PRKG1: variants seen among roughly 807,000 people sequenced by gnomAD.
PRKG1 encodes the protein protein kinase cGMP-dependent 1, also known as cGMP-dependent protein kinase 1.
Under a neutral mutation model 88.1 loss-of-function variants are expected in PRKG1, and 35 were observed. The ratio of observed to expected loss-of-function variants is 0.40; its 90% confidence interval spans 0.30 to 0.53. PRKG1 has a LOEUF of 0.53. PRKG1 is among the 20% of genes least tolerant of loss of function. The pLI is 0.59. For missense variants in PRKG1, 540 were observed against 839.8 expected, an observed-to-expected ratio of 0.64 and a Z score of 4.41; for synonymous variants, 303 against 292.5, an observed-to-expected ratio of 1.04 and a Z score of -0.37.
At chr10:52,217,317 T>A (rs1022631457) in intron 9 of PRKG1, among the ~76,000 whole-genome samples, 1 of 148,472 alleles carries the variant, frequency 6.7e-6, no homozygotes, top group Non-Finnish European at 1.5e-5. Flanking sequence ...AATATACATA[T>A]ACACACACAC....
intron 2 of PRKG1, among the ~76,000 whole-genome samples, chr10:51,305,983 A>G (rs2132249146): frequency 6.6e-6 from 1 of 152,320 alleles, no homozygotes; most frequent in Non-Finnish European, 1.5e-5. Context: ...TCCTGAGTAG[A>G]TGCAATAGAC....
chr10:52,050,433 G>A (rs1416868754), intron 5 of PRKG1, among the ~76,000 whole-genome samples: 1 of 152,134 alleles, frequency 6.6e-6, no homozygotes, highest in South Asian at 2.1e-4. Context: ...AAATGGTAGA[G>A]CTGTAAAATA....
chr10:51,930,492 C>CT (rs1491352197), intron 5 of PRKG1, among the ~76,000 whole-genome samples: 4,789 of 99,366 alleles, frequency 0.048, 147 homozygotes, highest in Non-Finnish European at 0.059. Context: ...CTTTTTTTTT[C>CT]CTCTTTTTTT....
At chr10:51,176,171 T>C (rs1837186247) in intron 2 of PRKG1, among the ~76,000 whole-genome samples, 1 of 152,156 alleles carries the variant, frequency 6.6e-6, no homozygotes, top group Admixed American at 6.6e-5. Context: ...GTTAGGTTAT[T>C]TTTATTACAT....
chr10:52,176,150 G>A (rs1002214122), intron 9 of PRKG1, among the ~76,000 whole-genome samples: 10 of 144,938 alleles, frequency 6.9e-5, no homozygotes, highest in Admixed American at 1.4e-4. Context: ...ATCTTTGATC[G>A]ATTTTGAGTT....
Position 52,282,136 on chromosome 10 carries a change from T to C in PRKG1, c.1546-17T>C, listed in dbSNP as rs1842016000. ...ATCATAAGGAGCTTAAGTATCTTGT[T>C]TTTCTCTCTTTGTAAGGTTGATTTT... is the stretch of plus-strand genomic sequence containing the variant. On this transcript the variant is annotated splice_polypyrimidine_tract_variant and intron_variant, in intron 13 of 17. Transcript: ENST00000373980. 2 of 1,570,736 alleles carry C rather than the reference T, an allele frequency of 1.3e-6. No homozygotes were observed. Among genetic ancestry groups the C allele is most frequent in the Non-Finnish European group, 1.7e-6 (2 of 1,158,108 alleles).
At chr10:51,571,521 C>G (rs1444766896) in intron 3 of PRKG1, among the ~76,000 whole-genome samples, 1 of 151,774 alleles carries the variant, frequency 6.6e-6, no homozygotes, top group African/African-American at 2.4e-5. Flanking sequence ...GAGAGAAAGA[C>G]TGAAGAAATG....
chr10:51,030,167 T>G (rs1395895471), intron 1 of PRKG1, among the ~76,000 whole-genome samples: 1 of 152,074 alleles, frequency 6.6e-6, no homozygotes, highest in African/African-American at 2.4e-5. Flanking sequence ...GTATTTATCT[T>G]TAGGGTCAAA....
intron 5 of PRKG1, among the ~76,000 whole-genome samples, chr10:52,022,123 G>C (rs1845201861): frequency 6.6e-6 from 1 of 152,160 alleles, no homozygotes; most frequent in Non-Finnish European, 1.5e-5. Context: ...TCAGCCATTA[G>C]GGTAAATGAC....
intron 1 of PRKG1, among the ~76,000 whole-genome samples, chr10:51,145,840 AC>A (rs1466132306): frequency 6.6e-6 from 1 of 152,136 alleles, no homozygotes; most frequent in African/African-American, 2.4e-5. Flanking sequence ...AATGGAGAAT[AC>A]TAGCTGTATT....
At chr10:52,105,746 A>G (rs77096870) in intron 7 of PRKG1, among the ~76,000 whole-genome samples, 2,851 of 151,990 alleles carry the variant, frequency 0.019, 57 homozygotes, top group Middle Eastern at 0.061. Flanking sequence ...AGTACTCTTT[A>G]GTTATTTTTC....
At chr10:51,976,720 A>C (rs1360952282) in intron 5 of PRKG1, among the ~76,000 whole-genome samples, 3 of 151,990 alleles carry the variant, frequency 2.0e-5, no homozygotes, top group Non-Finnish European at 4.4e-5. Context: ...ATACTGAAAA[A>C]CACTGAACTG....
At chr10:51,721,548 G>A (rs1047033624) in intron 3 of PRKG1, among the ~76,000 whole-genome samples, 3 of 152,144 alleles carry the variant, frequency 2.0e-5, no homozygotes, top group South Asian at 2.1e-4. Flanking sequence ...ACAGTAAACC[G>A]AACAGCTATC....
intron 2 of PRKG1, among the ~76,000 whole-genome samples, chr10:51,412,211 G>GAA (rs1195247526): frequency 1.7e-3 from 212 of 124,020 alleles, no homozygotes; most frequent in African/African-American, 6.4e-3. Context: ...GAGAGAGAGA[G>GAA]AGAAAGAAAG....
At chr10:50,993,981 C>G (rs1842808342) in intron 1 of PRKG1, among the ~76,000 whole-genome samples, 1 of 152,090 alleles carries the variant, frequency 6.6e-6, no homozygotes, top group South Asian at 2.1e-4. Flanking sequence ...GCGCAGTAGC[C>G]GTCAGTGCAT....
chr10:51,074,761 C>A lies in PRKG1; in HGVS notation c.171C>A (p.Thr57=). 6.2e-7 allele frequency: 1 copy of A among 1,614,050 alleles called. No homozygotes were observed. Among genetic ancestry groups the A allele is most frequent in the South Asian group, 1.1e-5 (1 of 91,064 alleles). ...DKYRSVIRPA[T]QQAQKQSAST... The stretch of plus-strand genomic sequence containing the variant: ...ACCGCTCGGTGATCCGACCAGCCAC[C>A]CAGCAGGCGCAGAAGCAGAGCGCGA... Residue 57 remains threonine, a synonymous_variant, in exon 1 of 18, where the codon ACC becomes ACA. Transcript: ENST00000373980.
At chr10:51,290,818 G>T (rs896184364) in intron 2 of PRKG1, among the ~76,000 whole-genome samples, 2 of 151,940 alleles carry the variant, frequency 1.3e-5, no homozygotes, top group Non-Finnish European at 2.9e-5. Flanking sequence ...GAGGGTATAG[G>T]GTGTGTTTCA....
chr10:51,538,432 A>ATG (rs1349911725), intron 3 of PRKG1, among the ~76,000 whole-genome samples: 1 of 148,638 alleles, frequency 6.7e-6, no homozygotes, highest in Non-Finnish European at 1.5e-5. Context: ...GATATATGAT[A>ATG]TATAATAATG....
intron 5 of PRKG1, among the ~76,000 whole-genome samples, chr10:51,918,479 C>G (rs1842393931): frequency 6.6e-6 from 1 of 152,016 alleles, no homozygotes; most frequent in South Asian, 2.1e-4. Context: ...AATATGCATG[C>G]TTTGCTCCAT....
Sources: gnomAD v4.1 joint callset for allele counts (sites outside exome capture counted in the v4.1 genomes callset) on GRCh38, gnomAD v4.1.1 for gene constraint, MANE v1.5 for transcripts, NCBI Gene and HGNC (gene_info 2026-07-23, HGNC 2026-07-21) for gene names.